The following FRAS1 variants were observed in gnomAD, a reference collection of about 807,000 sequenced individuals.
FRAS1 encodes the protein Fraser extracellular matrix complex subunit 1.
In FRAS1, 290 loss-of-function variants were observed where a neutral mutation model predicts 435.2. That is an observed-to-expected ratio of 0.67 (90% CI 0.61 to 0.73). FRAS1 has a LOEUF of 0.73. Ranked by LOEUF, FRAS1 falls within the 30% of genes least tolerant of loss-of-function variation. The pLI is 0.00. For synonymous variants in FRAS1, 1,800 were observed against 1,851.0 expected, an observed-to-expected ratio of 0.97 and a Z score of 0.71; for missense variants, 4,860 against 5,001.5, an observed-to-expected ratio of 0.97 and a Z score of 0.85.
At chr4:78,343,906 G>A (rs929365831) in intron 20 of FRAS1, among the ~76,000 whole-genome samples, 2 of 152,254 alleles carry the variant, frequency 1.3e-5, no homozygotes, top group East Asian at 1.9e-4. Context: ...AGGTGGGTTG[G>A]CACCGCCCTA....
intron 2 of FRAS1, among the ~76,000 whole-genome samples, chr4:78,123,310 G>A (rs916187654): frequency 4.6e-5 from 7 of 152,116 alleles, no homozygotes; most frequent in Non-Finnish European, 1.0e-4. Flanking sequence ...TATTTCTGAG[G>A]CCTCTGTTCG....
intron 2 of FRAS1, among the ~76,000 whole-genome samples, chr4:78,206,161 C>G (rs1723247943): frequency 6.6e-6 from 1 of 151,848 alleles, no homozygotes; most frequent in South Asian, 2.1e-4. Flanking sequence ...GTTAGAGTGT[C>G]CTAGATAGTC....
At chr4:78,076,202 TCAA>T (rs1220772984) in intron 2 of FRAS1, among the ~76,000 whole-genome samples, 5 of 152,014 alleles carry the variant, frequency 3.3e-5, no homozygotes, top group African/African-American at 1.2e-4. Flanking sequence ...AAAAGAGAGA[TCAA>T]TTTGCAGACA....
intron 30 of FRAS1, among the ~76,000 whole-genome samples, chr4:78,407,358 T>C (rs188375398): frequency 1.3e-5 from 2 of 152,352 alleles, no homozygotes; most frequent in Non-Finnish European, 2.9e-5. Flanking sequence ...TTGTCTATAG[T>C]ATTTGCTACT....
intron 2 of FRAS1, among the ~76,000 whole-genome samples, chr4:78,178,948 C>A (rs1228409123): frequency 6.6e-6 from 1 of 152,130 alleles, no homozygotes; most frequent in Non-Finnish European, 1.5e-5. Flanking sequence ...ACCGCTGATG[C>A]ACAGATGTTC....
At chr4:78,095,732 C>G (rs949046392) in intron 2 of FRAS1, among the ~76,000 whole-genome samples, 5 of 152,330 alleles carry the variant, frequency 3.3e-5, no homozygotes, top group East Asian at 3.9e-4. Flanking sequence ...GACTTATTCA[C>G]TATCACAAGA....
intron 41 of FRAS1, among the ~76,000 whole-genome samples, chr4:78,441,510 A>G (rs1289736314): frequency 1.3e-5 from 2 of 152,214 alleles, no homozygotes; most frequent in Non-Finnish European, 2.9e-5. Context: ...AGCACTAGGG[A>G]TGTATCAACA....
At chr4:78,462,877 A>G (rs1719412868) in intron 47 of FRAS1, among the ~76,000 whole-genome samples, 1 of 152,226 alleles carries the variant, frequency 6.6e-6, no homozygotes, top group South Asian at 2.1e-4. Flanking sequence ...AATGTAAACC[A>G]TGTGTGTTGA....
intron 61 of FRAS1, among the ~76,000 whole-genome samples, chr4:78,505,094 T>G (rs1043097162): frequency 3.9e-5 from 6 of 152,276 alleles, no homozygotes; most frequent in Non-Finnish European, 5.9e-5. Context: ...CCAGGAGATC[T>G]GCTGTTAGTA....
At chr4:78,447,017 C>A in intron 43 of FRAS1, 137 bp downstream of exon 43, 1 of 861,416 alleles carries the variant, frequency 1.2e-6, no homozygotes. Context: ...ATCAAATTCA[C>A]AGCTGGCTAA....
At chr4:78,401,239 T>C (rs2110345912) in intron 30 of FRAS1, among the ~76,000 whole-genome samples, 1 of 151,458 alleles carries the variant, frequency 6.6e-6, no homozygotes, top group Admixed American at 6.6e-5. Context: ...ATTATATGCC[T>C]TTTAGGATAT....
At chr4:78,115,939 T>A (rs143171710) in intron 2 of FRAS1, among the ~76,000 whole-genome samples, 3,912 of 152,342 alleles carry the variant, frequency 0.026, 70 homozygotes, top group Non-Finnish European at 0.04. Flanking sequence ...CAATTTTAGA[T>A]CTTTCCTGCT....
At chr4:78,431,462 A>G (rs186249369) in intron 37 of FRAS1, among the ~76,000 whole-genome samples, 3 of 152,364 alleles carry the variant, frequency 2.0e-5, no homozygotes, top group Admixed American at 6.5e-5. Flanking sequence ...AGTAAAATAC[A>G]TTAACACAGT....
At position 78,333,343 on chromosome 4, in the gene FRAS1, G is replaced by A. The variant is rs751057195; in HGVS notation, c.2209G>A (p.Val737Met). ...HNCTDCGPSH[V>M]LLDGQCLSQC... ...CTGCACAGACTGTGGGCCTTCCCAT[G>A]TGCTGTTGGATGGGCAGTGCCTCTC... is the stretch of plus-strand genomic sequence containing the variant. The change falls in exon 19 of 74, where the codon GTG (valine) becomes ATG (methionine). Residue 737 changes from valine (V) to methionine (M), a missense_variant. Coordinates refer to ENST00000512123, the MANE Select transcript of FRAS1 (RefSeq NM_025074.7). 1.9e-6 allele frequency: 3 copies of A among 1,612,626 alleles called. No homozygotes were observed. Among genetic ancestry groups the A allele is most frequent in the Non-Finnish European group, 1.7e-6 (2 of 1,179,360 alleles).
chr4:78,149,557 T>C (rs1202247212), intron 2 of FRAS1, among the ~76,000 whole-genome samples: 2 of 152,196 alleles, frequency 1.3e-5, no homozygotes, highest in African/African-American at 4.8e-5. Context: ...TATATTTTTT[T>C]CTTGAATGGG....
intron 44 of FRAS1, among the ~76,000 whole-genome samples, chr4:78,448,944 CTGT>C (rs947511766): frequency 1.1e-4 from 17 of 152,064 alleles, no homozygotes; most frequent in Non-Finnish European, 1.5e-5. Context: ...TACTAGAGTT[CTGT>C]TGTTTGTTTG....
At chr4:78,528,886 A>G (rs1447555190) in intron 70 of FRAS1, among the ~76,000 whole-genome samples, 1 of 152,126 alleles carries the variant, frequency 6.6e-6, no homozygotes, top group Non-Finnish European at 1.5e-5. Flanking sequence ...CATTCCCACC[A>G]TGAGAGTGCA....
intron 2 of FRAS1, among the ~76,000 whole-genome samples, chr4:78,137,936 A>G (rs1719993774): frequency 6.6e-6 from 1 of 152,260 alleles, no homozygotes; most frequent in Non-Finnish European, 1.5e-5. Flanking sequence ...TGCCTGGCAC[A>G]TACAGAAGGC....
chr4:78,200,870 A>AAT (rs148259948), intron 2 of FRAS1, among the ~76,000 whole-genome samples: 2,035 of 139,620 alleles, frequency 0.015, 19 homozygotes, highest in Middle Eastern at 0.029. Context: ...GCATGCCTTG[A>AAT]ATATATATAT....
Sources: allele counts gnomAD v4.1 joint callset (sites outside exome capture counted in the v4.1 genomes callset), GRCh38; gene constraint gnomAD v4.1.1; transcripts MANE v1.5; gene names NCBI Gene and HGNC (gene_info 2026-07-23, HGNC 2026-07-21).